EFCAB13: variants seen among roughly 807,000 people sequenced by gnomAD.
EFCAB13 encodes EF-hand calcium-binding domain-containing protein 13.
In EFCAB13, 91 loss-of-function variants were observed where a neutral mutation model predicts 110.2. The observed-to-expected ratio is 0.83, with a 90% confidence interval of 0.70 to 0.98. EFCAB13 has a LOEUF of 0.98. EFCAB13 is among the 50% of genes least tolerant of loss of function. The pLI is 0.00. For synonymous variants in EFCAB13, 323 were observed against 369.9 expected, an observed-to-expected ratio of 0.87 and a Z score of 1.45; for missense variants, 968 against 1,119.4, an observed-to-expected ratio of 0.86 and a Z score of 1.93.
chr17:47,414,339 A>G (rs1904356734), intron 22 of EFCAB13, among the ~76,000 whole-genome samples: 1 of 152,070 alleles, frequency 6.6e-6, no homozygotes, highest in Admixed American at 6.6e-5. Context: ...GACTGCATCA[A>G]TTAAAATACA....
intron 10 of EFCAB13, among the ~76,000 whole-genome samples, chr17:47,366,437 G>A (rs2065546594): frequency 6.6e-6 from 1 of 152,024 alleles, no homozygotes; most frequent in South Asian, 2.1e-4. Context: ...GAAGATTACA[G>A]AAATGTAGTG....
chr17:47,327,407 CCTGCCTTGGCCTCTCAAA>C (rs1481341881), intron 3 of EFCAB13, among the ~76,000 whole-genome samples: 2 of 152,034 alleles, frequency 1.3e-5, no homozygotes, highest in Non-Finnish European at 2.9e-5. Flanking sequence ...TCGTGATCCA[CCTGCCTTGGCCTCTCAAA>C]GTGCTGGGAT....
At chr17:47,433,923 C>T (rs1041856369) in intron 24 of EFCAB13, among the ~76,000 whole-genome samples, 1 of 151,914 alleles carries the variant, frequency 6.6e-6, no homozygotes, top group African/African-American at 2.4e-5. Context: ...ACAAATATGA[C>T]AAAATGATAT....
intron 14 of EFCAB13, among the ~76,000 whole-genome samples, chr17:47,381,202 G>GT (rs199940633): frequency 0.05 from 7,579 of 150,888 alleles, 251 homozygotes; most frequent in East Asian, 0.11. Context: ...TTTTTGATGG[G>GT]TTTTTTTTTC....
chr17:47,390,672 A>G (rs1020118433), intron 14 of EFCAB13, among the ~76,000 whole-genome samples: 3 of 152,212 alleles, frequency 2.0e-5, no homozygotes, highest in African/African-American at 7.2e-5. Flanking sequence ...AGACTGAGCC[A>G]TGTATTGCCA....
At chr17:47,387,644 T>TGG (rs1567795390) in intron 14 of EFCAB13, among the ~76,000 whole-genome samples, 1 of 143,132 alleles carries the variant, frequency 7.0e-6, no homozygotes, top group Non-Finnish European at 1.6e-5. Flanking sequence ...CACATTGCTG[T>TGG]CTTATTAAGG....
intron 10 of EFCAB13, among the ~76,000 whole-genome samples, chr17:47,365,489 A>G (rs1233327367): frequency 6.6e-6 from 1 of 152,324 alleles, no homozygotes; most frequent in Admixed American, 6.5e-5. Flanking sequence ...AGTACTGTAC[A>G]TAAGAAAGCA....
At chr17:47,358,790 G>A (rs1424073019) in intron 9 of EFCAB13, among the ~76,000 whole-genome samples, 1 of 152,162 alleles carries the variant, frequency 6.6e-6, no homozygotes, top group African/African-American at 2.4e-5. Context: ...GGTTTTCAAT[G>A]CTCCAGGGAA....
At chr17:47,367,318 A>C (rs908371397) in intron 10 of EFCAB13, among the ~76,000 whole-genome samples, 1 of 152,228 alleles carries the variant, frequency 6.6e-6, no homozygotes, top group Non-Finnish European at 1.5e-5. Flanking sequence ...AGAGAATCAG[A>C]GTGAATCAGG....
chr17:47,386,641 C>T (rs2065677926), intron 14 of EFCAB13, among the ~76,000 whole-genome samples: 1 of 152,072 alleles, frequency 6.6e-6, no homozygotes, highest in African/African-American at 2.4e-5. Flanking sequence ...GGGGAGTGAA[C>T]AGCTCTGTCT....
chr17:47,325,923 AATATATATATATATATAT>A (rs60735562), intron 2 of EFCAB13, among the ~76,000 whole-genome samples: 29,257 of 102,616 alleles, frequency 0.29, 4,271 homozygotes, highest in Non-Finnish European at 0.33. Flanking sequence ...ATATAAACAA[AATATATATATATATATAT>A]ATATATATAT....
At chr17:47,370,383 C>A in intron 10 of EFCAB13, 54 bp from the exon 11 acceptor site, 1 of 1,174,050 alleles carries the variant, frequency 8.5e-7, no homozygotes, top group Non-Finnish European at 1.3e-6. Flanking sequence ...AATAGGATGG[C>A]AGATATATCT....
intron 20 of EFCAB13, among the ~76,000 whole-genome samples, chr17:47,407,828 T>A (rs967004278): frequency 2.0e-5 from 3 of 152,244 alleles, no homozygotes; most frequent in Middle Eastern, 3.2e-3. Flanking sequence ...ATTACTGTTC[T>A]TCTAAATTTT....
chr17:47,399,418 T>C lies in EFCAB13; in HGVS notation c.1946-2714T>C, dbSNP rs920207336. On this transcript the variant is annotated intron_variant, in intron 17 of 24. Transcript: ENST00000331493. ...GTGGTTTGCAAAATTTTGAGATTTG[T>C]TATTTTTGTTTATATTTGATATTGT... Among the ~76,000 whole-genome samples the C allele has an allele frequency of 3.3e-5, 5 of 152,172 alleles. No individual in the cohort carries two copies. In the East Asian group the frequency reaches 5.8e-4, roughly 18 times the overall value.
intron 2 of EFCAB13, among the ~76,000 whole-genome samples, chr17:47,325,292 T>A (rs1166509115): frequency 6.6e-6 from 1 of 151,892 alleles, no homozygotes; most frequent in East Asian, 2.0e-4. Context: ...ATCAAAGTGT[T>A]GGGATTACCT....
At chr17:47,361,155 T>A (rs1397158284) in intron 9 of EFCAB13, among the ~76,000 whole-genome samples, 1 of 152,302 alleles carries the variant, frequency 6.6e-6, no homozygotes, top group Admixed American at 6.5e-5. Flanking sequence ...GTGCTAAGGA[T>A]TGTTAACATA....
intron 4 of EFCAB13, chr17:47,328,726 G>T: frequency 1.0e-5 from 2 of 197,558 alleles, no homozygotes; most frequent in East Asian, 2.3e-4. Context: ...AAATAATGTA[G>T]AGGACATCAA....
intron 23 of EFCAB13, among the ~76,000 whole-genome samples, chr17:47,417,669 T>C (rs1904496510): frequency 6.6e-6 from 1 of 152,222 alleles, no homozygotes; most frequent in Non-Finnish European, 1.5e-5. Context: ...CTTGAAACCT[T>C]TCACCCTTCA....
intron 7 of EFCAB13, 48 bp downstream of exon 7, chr17:47,344,340 G>C: frequency 6.3e-7 from 1 of 1,581,386 alleles, no homozygotes; most frequent in South Asian, 1.1e-5. Flanking sequence ...GTTCAGACTT[G>C]GGTGTTTCTC....
Sources: gnomAD v4.1 joint callset for allele counts (sites outside exome capture counted in the v4.1 genomes callset) on GRCh38, gnomAD v4.1.1 for gene constraint, MANE v1.5 for transcripts, NCBI Gene and HGNC (gene_info 2026-07-23, HGNC 2026-07-21) for gene names.